Variants in TRAPPC8 observed in about 807,000 individuals in gnomAD.
The protein encoded by TRAPPC8 is trafficking protein particle complex subunit 8, also known as general sporulation gene 1 homolog.
Under a neutral mutation model 174.3 loss-of-function variants are expected in TRAPPC8, and 54 were observed. The observed-to-expected ratio is 0.31, with a 90% CI of 0.25 to 0.39. The LOEUF is 0.39. Among genes scored for constraint, TRAPPC8 ranks in the 10% least tolerant of loss-of-function variants. The pLI, the probability that TRAPPC8 is intolerant of heterozygous loss-of-function variation, is 1.00. For synonymous variants in TRAPPC8, 630 were observed against 579.9 expected, an observed-to-expected ratio of 1.09 and a Z score of -1.24; for missense variants, 1,531 against 1,699.1, an observed-to-expected ratio of 0.90 and a Z score of 1.74.
chr18:31,913,720 T>C (rs552121141), intron 4 of TRAPPC8, among the ~76,000 whole-genome samples, 198 bp from the exon 5 acceptor site: 12 of 152,152 alleles, frequency 7.9e-5, no homozygotes, highest in African/African-American at 2.7e-4. Context: ...AAAACAAAAA[T>C]CATGATGGCA....
intron 20 of TRAPPC8, among the ~76,000 whole-genome samples, chr18:31,856,691 T>G (rs1188575837): frequency 6.6e-6 from 1 of 152,160 alleles, no homozygotes; most frequent in Admixed American, 6.5e-5. Context: ...CTAACTACAT[T>G]CAGTTTGTGT....
Position 31,846,816 on chromosome 18 carries a change from G to A in TRAPPC8, c.3737C>T (p.Ala1246Val). The change falls in exon 26 of 29, where the codon GCA (alanine) becomes GTA (valine). Residue 1246 changes from alanine to valine, a missense_variant and splice_region_variant. By Grantham distance (64) the Ala-to-Val change is moderately conservative. Coordinates refer to ENST00000283351, the MANE Select transcript of TRAPPC8 (RefSeq NM_014939.5). ...VDLNIVILWK[A>V]YVVEDSKQLI... ...CTGTTTACTGTCTTCCACAACGTAT[G>A]CCTAAAAAATGCAAAGTACAAAAAC... 6.2e-7 allele frequency: 1 copy of A among 1,608,588 alleles called. No individual in the cohort carries two copies. The highest frequency in any genetic ancestry group is 1.3e-5 in the African/African-American group (1 of 74,886).
At chr18:31,835,618 ACT>A (rs1054637861) in intron 27 of TRAPPC8, among the ~76,000 whole-genome samples, 1 of 151,672 alleles carries the variant, frequency 6.6e-6, no homozygotes, top group Non-Finnish European at 1.5e-5. Flanking sequence ...TCTCAATTAT[ACT>A]CTCTCATCTG....
chr18:31,878,431 T>C (rs1175062949), intron 12 of TRAPPC8, among the ~76,000 whole-genome samples: 3 of 151,948 alleles, frequency 2.0e-5, no homozygotes, highest in Non-Finnish European at 2.9e-5. Flanking sequence ...AAGGAAAAAA[T>C]AGTATTTCTC....
At chr18:31,885,766 G>A (rs578040662) in intron 12 of TRAPPC8, among the ~76,000 whole-genome samples, 21 of 151,638 alleles carry the variant, frequency 1.4e-4, no homozygotes, top group South Asian at 4.2e-4. Context: ...AGGCTGAGGT[G>A]GAAGAATTGC....
In TRAPPC8 at chr18:31,942,871, C is replaced by A. The variant is rs889124907; in HGVS notation, c.-107G>T. 1.6e-6 allele frequency: 2 copies of A among 1,254,388 alleles called. No homozygotes were observed. The highest frequency in any genetic ancestry group is 2.0e-6 in the Non-Finnish European group (2 of 999,156). The allele number at this position is 1,254,388 out of a possible 1,614,324, so 77.7% of individuals were successfully genotyped here. On this transcript the variant is annotated 5_prime_UTR_variant, in exon 1 of 29. Coordinates refer to ENST00000283351, the MANE Select transcript of TRAPPC8 (RefSeq NM_014939.5). ...CGCCCGCCGGCCTGGCCCGGCCGGG[C>A]GGGGCCCCGAACGCACTGGAGCCTA...
chr18:31,915,758 G>A (rs1462889231), intron 4 of TRAPPC8, among the ~76,000 whole-genome samples: 6 of 151,912 alleles, frequency 3.9e-5, no homozygotes, highest in Non-Finnish European at 8.8e-5. Flanking sequence ...GCAGTGGCGG[G>A]CGCCTGTAGT....
At position 31,922,903 on chromosome 18, in the gene TRAPPC8, G is replaced by A. The variant is rs150243194; in HGVS notation, c.353-5236C>T. On this transcript the variant is annotated intron_variant, in intron 2 of 28. Coordinates refer to ENST00000283351, the MANE Select transcript of TRAPPC8 (RefSeq NM_014939.5). Reference sequence around the variant, plus strand: ...ATGGTAGCCCACACCTGTAGTCCCCGCTACTCGGGAGGCTGAGGTAGGAGG... The same window carrying A: ...ATGGTAGCCCACACCTGTAGTCCCCACTACTCGGGAGGCTGAGGTAGGAGG... 4.5e-3 allele frequency among the ~76,000 whole-genome samples: 689 copies of A among 152,190 alleles called. 4 individuals carry two copies. The highest frequency in any genetic ancestry group is 0.016 in the African/African-American group (660 of 41,530).
chr18:31,899,092 T>G (rs1251755440), intron 10 of TRAPPC8, among the ~76,000 whole-genome samples: 1 of 152,210 alleles, frequency 6.6e-6, no homozygotes, highest in African/African-American at 2.4e-5. Flanking sequence ...TATGAATACC[T>G]AAGACTGTTT....
intron 26 of TRAPPC8, among the ~76,000 whole-genome samples, chr18:31,845,719 T>G (rs2033364311): frequency 6.6e-6 from 1 of 152,144 alleles, no homozygotes; most frequent in Non-Finnish European, 1.5e-5. Context: ...GTTTGAAAAT[T>G]ATTTCATAAT....
chr18:31,890,100 T>C (rs2035889393), intron 12 of TRAPPC8, among the ~76,000 whole-genome samples: 1 of 152,194 alleles, frequency 6.6e-6, no homozygotes, highest in African/African-American at 2.4e-5. Context: ...CTCTCTGAAA[T>C]ATAGAGATGG....
intron 21 of TRAPPC8, among the ~76,000 whole-genome samples, chr18:31,854,564 G>C (rs1320187012): frequency 6.6e-6 from 1 of 152,100 alleles, no homozygotes; most frequent in Non-Finnish European, 1.5e-5. Flanking sequence ...GAAGTTAAAA[G>C]TAAAGAACAT....
chr18:31,907,095 C>A (rs1418555112), intron 9 of TRAPPC8, among the ~76,000 whole-genome samples: 1 of 152,148 alleles, frequency 6.6e-6, no homozygotes, highest in East Asian at 1.9e-4. Flanking sequence ...AACCCTAATA[C>A]ATGACCATTT....
chr18:31,849,673 G>A lies in TRAPPC8; in HGVS notation c.3628C>T (p.Pro1210Ser). 6.2e-7 allele frequency: 1 copy of A among 1,612,284 alleles called. No individual in the cohort carries two copies. Among genetic ancestry groups the A allele is most frequent in the Non-Finnish European group, 8.5e-7 (1 of 1,179,188 alleles). The change falls in exon 25 of 29, where the codon CCA becomes TCA. Residue 1210 changes from proline (P) to serine (S), a missense_variant. Physicochemically the swap from Pro to Ser is moderately conservative, Grantham distance 74. Coordinates refer to ENST00000283351, the MANE Select transcript of TRAPPC8 (RefSeq NM_014939.5). ...GTATGCACAGGCAAGTGAGCTTGTG[G>A]TTTTTTCAATTCAGAAGATAAACTT... ...YRSLSSELKK[P>S]QAHLPVHTEK...
intron 19 of TRAPPC8, among the ~76,000 whole-genome samples, chr18:31,860,336 C>T (rs2034262573): frequency 6.6e-6 from 1 of 151,816 alleles, no homozygotes; most frequent in Admixed American, 6.6e-5. Flanking sequence ...TGCTTCTCTA[C>T]ATGTTAAAAT....
At chr18:31,935,063 G>A (rs1212212886) in intron 1 of TRAPPC8, among the ~76,000 whole-genome samples, 1 of 151,780 alleles carries the variant, frequency 6.6e-6, no homozygotes. Flanking sequence ...AAACAGGCTA[G>A]GCCGGGCGTG....
At chr18:31,846,139 T>C (rs2033389894) in intron 26 of TRAPPC8, among the ~76,000 whole-genome samples, 1 of 152,216 alleles carries the variant, frequency 6.6e-6, no homozygotes, top group Admixed American at 6.5e-5. Context: ...CAATATGGAA[T>C]GTATGTGAGG....
intron 2 of TRAPPC8, among the ~76,000 whole-genome samples, chr18:31,926,270 T>G (rs1401768495): frequency 6.6e-6 from 1 of 152,194 alleles, no homozygotes; most frequent in Non-Finnish European, 1.5e-5. Context: ...AGCTAAGATT[T>G]TTTTGTCCCC....
Position 31,908,824 on chromosome 18 carries a change from A to C in TRAPPC8, c.1052T>G (p.Phe351Cys). The change falls in exon 7 of 29, where the codon TTT (phenylalanine) becomes TGT (cysteine). Residue 351 changes from phenylalanine (F) to cysteine (C), a missense_variant. Phe to Cys is a radical substitution (Grantham distance 205). Transcript: ENST00000283351. The part of the protein sequence containing the change: ...TLTDHDRIRQ[F>C]IQEFTFRGLL... ...GCCCCGAAATGTGAACTCTTGTATA[A>C]ACTGTCGAATTCTATCATGATCAGT... 1.2e-6 allele frequency: 2 copies of C among 1,613,684 alleles called. No homozygotes were observed. Among genetic ancestry groups the C allele is most frequent in the Non-Finnish European group, 1.7e-6 (2 of 1,179,718 alleles).
Sources: gnomAD v4.1 joint callset for allele counts (sites outside exome capture counted in the v4.1 genomes callset) on GRCh38, gnomAD v4.1.1 for gene constraint, MANE v1.5 for transcripts, NCBI Gene and HGNC (gene_info 2026-07-23, HGNC 2026-07-21) for gene names.